ADAMTSL1: variants seen among roughly 807,000 people sequenced by gnomAD.
ADAMTSL1 encodes ADAMTS-like protein 1.
ADAMTSL1 carries 126 observed loss-of-function variants against 201.8 expected under a neutral mutation model. That is an observed-to-expected ratio of 0.62 (90% CI 0.54 to 0.72). The LOEUF (loss-of-function observed/expected upper bound fraction) is 0.72. Ranked by LOEUF, ADAMTSL1 falls within the 30% of genes least tolerant of loss-of-function variation. The pLI is 0.00. For synonymous variants in ADAMTSL1, 1,121 were observed against 903.4 expected (o/e 1.24, Z -4.32); for missense variants, 2,679 against 2,277.8 (o/e 1.18, Z -3.59).
chr9:18,371,338 C>T (rs1473609437), intron 2 of ADAMTSL1, among the ~76,000 whole-genome samples: 5 of 152,182 alleles, frequency 3.3e-5, no homozygotes, highest in Non-Finnish European at 7.4e-5. Context: ...AAGTGTCTGT[C>T]TCCTGCAGTT....
chr9:18,581,609 G>A (rs1160053848), intron 4 of ADAMTSL1, among the ~76,000 whole-genome samples: 1 of 152,060 alleles, frequency 6.6e-6, no homozygotes, highest in African/African-American at 2.4e-5. Flanking sequence ...GTGCATCCTG[G>A]GACATCATTT....
At chr9:18,812,619 G>C (rs774689688) in intron 20 of ADAMTSL1, among the ~76,000 whole-genome samples, 7 of 152,150 alleles carry the variant, frequency 4.6e-5, no homozygotes, top group Non-Finnish European at 1.0e-4. Flanking sequence ...TTGCTGCCCA[G>C]ACTAATGTCA....
intron 2 of ADAMTSL1, among the ~76,000 whole-genome samples, chr9:18,397,154 T>C (rs892502893): frequency 7.2e-5 from 11 of 152,136 alleles, no homozygotes; most frequent in Admixed American, 1.3e-4. Context: ...TTCCCCTTTT[T>C]CCCCCACTCT....
At chr9:18,328,316 C>T (rs1324848624) in intron 2 of ADAMTSL1, among the ~76,000 whole-genome samples, 1 of 152,184 alleles carries the variant, frequency 6.6e-6, no homozygotes, top group Admixed American at 6.5e-5. Context: ...ACTCTTAACA[C>T]AATGCATTAT....
chr9:18,079,318 A>G (rs1442908054), intron 1 of ADAMTSL1, among the ~76,000 whole-genome samples: 3 of 152,230 alleles, frequency 2.0e-5, no homozygotes, highest in African/African-American at 7.2e-5. Context: ...TTTCACTGCT[A>G]TCGCATCTTG....
At chr9:18,093,817 T>C (rs1015052547) in intron 1 of ADAMTSL1, among the ~76,000 whole-genome samples, 1 of 152,164 alleles carries the variant, frequency 6.6e-6, no homozygotes, top group African/African-American at 2.4e-5. Flanking sequence ...CTTGGAAAGC[T>C]GGTGTTTGAA....
chr9:17,985,525 G>A (rs985053436), intron 1 of ADAMTSL1, among the ~76,000 whole-genome samples: 1 of 152,012 alleles, frequency 6.6e-6, no homozygotes, highest in Non-Finnish European at 1.5e-5. Context: ...AAGATATAAA[G>A]GTAAGACTTG....
chr9:18,826,135 A>T, intron 21 of ADAMTSL1, 149 bp from the exon 22 acceptor site: 1 of 866,448 alleles, frequency 1.2e-6, no homozygotes, highest in Admixed American at 2.6e-5. Context: ...GGCTCTGGAC[A>T]TTATTTAATC....
At chr9:18,601,774 T>C (rs569478178) in intron 4 of ADAMTSL1, among the ~76,000 whole-genome samples, 2 of 151,538 alleles carry the variant, frequency 1.3e-5, no homozygotes, top group East Asian at 3.9e-4. Flanking sequence ...CATTATACAT[T>C]ATAATATACA....
chr9:17,913,399 A>G (rs1047531629), intron 1 of ADAMTSL1, among the ~76,000 whole-genome samples: 4 of 152,160 alleles, frequency 2.6e-5, no homozygotes, highest in Admixed American at 6.5e-5. Flanking sequence ...TTCTCCTTGA[A>G]GAGGTCCTTC....
At chr9:18,812,178 G>C (rs1823545432) in intron 20 of ADAMTSL1, among the ~76,000 whole-genome samples, 1 of 152,114 alleles carries the variant, frequency 6.6e-6, no homozygotes, top group South Asian at 2.1e-4. Flanking sequence ...TTCAGAATTA[G>C]TTATATAGCT....
chr9:18,196,541 G>T (rs1829191615), intron 2 of ADAMTSL1, among the ~76,000 whole-genome samples: 1 of 152,126 alleles, frequency 6.6e-6, no homozygotes. Context: ...GAGAGCCTGA[G>T]CTTGGCCTAA....
At chr9:18,872,844 T>C (rs895729731) in intron 23 of ADAMTSL1, among the ~76,000 whole-genome samples, 67 of 152,340 alleles carry the variant, frequency 4.4e-4, no homozygotes, top group African/African-American at 1.6e-3. Flanking sequence ...TGTTTTCGTC[T>C]GGGTGGATAC....
chr9:18,344,679 C>T (rs969931971), intron 2 of ADAMTSL1, among the ~76,000 whole-genome samples: 3 of 152,088 alleles, frequency 2.0e-5, no homozygotes, highest in African/African-American at 4.8e-5. Flanking sequence ...TGGCCATTAA[C>T]ATTGATACAG....
intron 1 of ADAMTSL1, among the ~76,000 whole-genome samples, chr9:17,951,147 G>T (rs964343958): frequency 6.6e-6 from 1 of 151,564 alleles, no homozygotes; most frequent in South Asian, 2.1e-4. Flanking sequence ...CTAGAGCACA[G>T]GGGGCAAGGG....
At chr9:17,958,397 G>A (rs1291136974) in intron 1 of ADAMTSL1, among the ~76,000 whole-genome samples, 11 of 152,094 alleles carry the variant, frequency 7.2e-5, no homozygotes. Flanking sequence ...TCACAGTCTT[G>A]TTTATCAAAG....
chr9:18,116,515 A>T (rs1160935957), intron 1 of ADAMTSL1, among the ~76,000 whole-genome samples: 1 of 152,110 alleles, frequency 6.6e-6, no homozygotes, highest in Non-Finnish European at 1.5e-5. Flanking sequence ...CATTGCTTGT[A>T]ATTGTTTCTC....
intron 2 of ADAMTSL1, among the ~76,000 whole-genome samples, chr9:18,335,902 A>C (rs975331740): frequency 2.0e-5 from 3 of 152,164 alleles, no homozygotes; most frequent in Non-Finnish European, 4.4e-5. Flanking sequence ...AAAAGAAACA[A>C]AAATTCTGGA....
At chr9:17,933,682 C>T (rs896167476) in intron 1 of ADAMTSL1, among the ~76,000 whole-genome samples, 17 of 152,070 alleles carry the variant, frequency 1.1e-4, no homozygotes, top group Non-Finnish European at 2.2e-4. Context: ...GAAGAGAAAG[C>T]GGGCTCATCT....
Sources: allele counts gnomAD v4.1 joint callset (sites outside exome capture counted in the v4.1 genomes callset), GRCh38; gene constraint gnomAD v4.1.1; transcripts MANE v1.5; gene names NCBI Gene and HGNC (gene_info 2026-07-23, HGNC 2026-07-21).